The following BRAF variants were observed in gnomAD, a reference collection of about 807,000 sequenced individuals.
BRAF encodes serine/threonine-protein kinase B-raf.
In BRAF, 16 loss-of-function variants were observed where a neutral mutation model predicts 104.6. That is an observed-to-expected ratio of 0.15 (90% confidence interval 0.10 to 0.23). The LOEUF (loss-of-function observed/expected upper bound fraction) is 0.23. BRAF is among the 10% of genes least tolerant of loss of function. The probability of loss-of-function intolerance (pLI) is 1.00; values close to 1 mark genes in which losing one functional copy is unlikely to be tolerated. For missense variants in BRAF, 541 were observed against 937.3 expected, an observed-to-expected ratio of 0.58 and a Z score of 5.52; for synonymous variants, 310 against 341.6, an observed-to-expected ratio of 0.91 and a Z score of 1.02.
intron 5 of BRAF, among the ~76,000 whole-genome samples, chr7:140,804,878 TCA>T (rs1562968205): frequency 6.6e-6 from 1 of 152,098 alleles, no homozygotes; most frequent in African/African-American, 2.4e-5. Flanking sequence ...CAATCATGAC[TCA>T]CTGCAAAGTC....
chr7:140,847,298 C>A (rs1473481042), intron 2 of BRAF, among the ~76,000 whole-genome samples: 1 of 148,336 alleles, frequency 6.7e-6, no homozygotes, highest in Non-Finnish European at 1.5e-5. Context: ...AATTGCTATT[C>A]CCGGCCAGGC....
Position 140,734,774 on chromosome 7 carries a change from C to CAAAAAAAAAAGAAAAA in BRAF, c.2248-5_2248-4insTTTTTCTTTTTTTTTT. 2 of 772,604 alleles carry CAAAAAAAAAAGAAAAA rather than the reference C, an allele frequency of 2.6e-6. No homozygotes were observed. Among genetic ancestry groups the CAAAAAAAAAAGAAAAA allele is most frequent in the South Asian group, 2.7e-5 (1 of 37,000 alleles). The allele number at this position is 772,604 out of a possible 1,614,324, so 47.9% of individuals were successfully genotyped here. ...GCAGCTCAATAGAGGCGAGAATCTA[C>CAAAAAAAAAAGAAAAA]AAAAAAAAAAAGAAAAAAAAAAGAA... On this transcript the variant is annotated splice_region_variant and splice_polypyrimidine_tract_variant and intron_variant, in intron 18 of 19. Transcript: ENST00000644969.
intron 14 of BRAF, among the ~76,000 whole-genome samples, chr7:140,764,986 ACCAAGGCAAT>A (rs1420432954): frequency 1.3e-5 from 2 of 152,192 alleles, no homozygotes; most frequent in Non-Finnish European, 1.5e-5. Context: ...AGCCCGCATC[ACCAAGGCAAT>A]CCTAAGCCAA....
chr7:140,888,461 T>C (rs1586554667), intron 1 of BRAF, among the ~76,000 whole-genome samples: 2 of 152,266 alleles, frequency 1.3e-5, no homozygotes, highest in African/African-American at 4.8e-5. Context: ...GAAAACATTA[T>C]TGCTGCTAGA....
chr7:140,761,352 A>AC (rs769701244), intron 14 of BRAF, among the ~76,000 whole-genome samples: 1 of 152,042 alleles, frequency 6.6e-6, no homozygotes, highest in South Asian at 2.1e-4. Flanking sequence ...AGATTTTGCC[A>AC]CCCCCAGGCC....
chr7:140,814,456 G>C (rs933486435), intron 3 of BRAF, among the ~76,000 whole-genome samples: 1 of 152,042 alleles, frequency 6.6e-6, no homozygotes, highest in Non-Finnish European at 1.5e-5. Context: ...CCTGAGGTCT[G>C]GAGTTCAAGA....
In BRAF at chr7:140,771,630, T is replaced by C. The variant is rs533022000; in HGVS notation, c.1814+5282A>G. On this transcript the variant is annotated intron_variant, in intron 14 of 19. Coordinates refer to ENST00000644969, the MANE Select transcript of BRAF (RefSeq NM_001374258.1). ...AATTTTGGTGAGCAGTCAGAAAAGA[T>C]CACTTTCAACATAGGGCAGGCTATT... Among the ~76,000 whole-genome samples, 4 of 152,356 alleles carry C rather than the reference T, an allele frequency of 2.6e-5. No homozygotes were observed. The East Asian group carries it at 5.8e-4, about 22-fold the overall frequency.
At chr7:140,828,366 C>T (rs1806310834) in intron 3 of BRAF, among the ~76,000 whole-genome samples, 2 of 152,088 alleles carry the variant, frequency 1.3e-5, no homozygotes, top group South Asian at 2.1e-4. Flanking sequence ...ATATCAGCTC[C>T]TATGCTTTTC....
At chr7:140,896,863 CAAAA>C (rs766150256) in intron 1 of BRAF, among the ~76,000 whole-genome samples, 1 of 36,740 alleles carries the variant, frequency 2.7e-5, no homozygotes, top group Non-Finnish European at 6.2e-5. Flanking sequence ...GACTCCATCT[CAAAA>C]AAAAAAAAAA....
rs922527838 is a variant in BRAF at position 140,726,379 on chromosome 7, T to C, written c.*115A>G. 4.0e-6 allele frequency: 6 copies of C among 1,505,186 alleles called. No homozygotes were observed. The highest frequency in any genetic ancestry group is 4.5e-5 in the Admixed American group (2 of 44,182). The allele number at this position is 1,505,186 out of a possible 1,614,324, so 93.2% of individuals were successfully genotyped here. On this transcript the variant is annotated 3_prime_UTR_variant, in exon 20 of 20. Transcript: ENST00000644969. ...ATTCTGTTCCACATCAGCTTATGCA[T>C]TGGAAATTTTGTATCTTTAAAAAAA... is the stretch of plus-strand genomic sequence containing the variant.
chr7:140,896,857 C>G (rs1488955558), intron 1 of BRAF, among the ~76,000 whole-genome samples: 3 of 106,620 alleles, frequency 2.8e-5, no homozygotes, highest in Non-Finnish European at 5.1e-5. Context: ...GAGCGAGACT[C>G]CATCTCAAAA....
intron 18 of BRAF, among the ~76,000 whole-genome samples, chr7:140,737,655 A>T (rs1796549257): frequency 6.6e-6 from 1 of 152,056 alleles, no homozygotes. Context: ...ACATCTGCTA[A>T]TTTTTTCCTT....
downstream of BRAF, among the ~76,000 whole-genome samples, chr7:140,716,971 G>C (rs899530673): frequency 4.1e-4 from 62 of 152,186 alleles, 1 homozygote; most frequent in Admixed American, 2.9e-3. Context: ...CCCTGAGGTG[G>C]CGTGTGGACC....
chr7:140,804,406 T>TTTGG (rs1554403975), intron 5 of BRAF, among the ~76,000 whole-genome samples: 48 of 147,332 alleles, frequency 3.3e-4, no homozygotes, highest in African/African-American at 1.2e-3. Flanking sequence ...GTTTTTTTTT[T>TTTGG]GGGGGGGGTG....
chr7:140,877,645 A>C (rs1413682959), intron 1 of BRAF, among the ~76,000 whole-genome samples: 1 of 152,106 alleles, frequency 6.6e-6, no homozygotes, highest in Non-Finnish European at 1.5e-5. Flanking sequence ...CAAATTAACA[A>C]TATCAGTAAT....
At chr7:140,761,983 G>T (rs1230264605) in intron 14 of BRAF, among the ~76,000 whole-genome samples, 1 of 152,088 alleles carries the variant, frequency 6.6e-6, no homozygotes, top group East Asian at 1.9e-4. Context: ...AGATCAACGC[G>T]ACAGAAAGTT....
chr7:140,808,351 CAAAAAAAAAAAAAA>C lies in BRAF; in HGVS notation c.609-303_609-290del, dbSNP rs35843886. The C allele has an allele frequency of 6.0e-4, 119 of 199,088 alleles. 3 individuals carry two copies. The highest frequency in any genetic ancestry group is 3.3e-3 in the Admixed American group (36 of 10,858). 12.3% of individuals were successfully genotyped at this position (199,088 alleles called of 1,614,324 possible). A position where few individuals can be genotyped will look rare whatever the true frequency, so the allele number is the denominator to read the frequency against. On this transcript the variant is annotated intron_variant, in intron 4 of 19. Transcript: ENST00000644969. ...CAGAAAATGGATTGTTCCTGGGGTC[CAAAAAAAAAAAAAA>C]AAAAAAAAAAAATCACAGGTACGGA...
At chr7:140,915,944 C>T (rs919049848) in intron 1 of BRAF, among the ~76,000 whole-genome samples, 6 of 151,880 alleles carry the variant, frequency 4.0e-5, no homozygotes, top group Admixed American at 2.6e-4. Flanking sequence ...CCCAGGATTT[C>T]GAGACTAGCC....
chr7:140,801,622 G>T (rs903434542), intron 5 of BRAF, 62 bp from the exon 6 acceptor site: 2 of 1,495,484 alleles, frequency 1.3e-6, no homozygotes, highest in Admixed American at 1.8e-5. Flanking sequence ...AGAAACTGAC[G>T]TATCTACTCT....
Sources: allele counts gnomAD v4.1 joint callset (sites outside exome capture counted in the v4.1 genomes callset), GRCh38; gene constraint gnomAD v4.1.1; transcripts MANE v1.5; gene names NCBI Gene and HGNC (gene_info 2026-07-23, HGNC 2026-07-21).